The following VWCE variants were observed in gnomAD, a reference collection of about 807,000 sequenced individuals.
VWCE encodes von Willebrand factor C and EGF domain-containing protein.
Under a neutral mutation model 102.9 loss-of-function variants are expected in VWCE, and 68 were observed. The ratio of observed to expected loss-of-function variants is 0.66; its 90% CI spans 0.54 to 0.81. The LOEUF (loss-of-function observed/expected upper bound fraction) is 0.81. Ranked by LOEUF, VWCE falls within the 30% of genes least tolerant of loss-of-function variation. VWCE has a pLI of 0.00. For synonymous variants in VWCE, 497 were observed against 515.4 expected (o/e 0.96, Z 0.48); for missense variants, 1,137 against 1,263.6 (o/e 0.90, Z 1.52).
At chr11:61,269,844 AT>A (rs1854622195) in intron 14 of VWCE, among the ~76,000 whole-genome samples, 1 of 152,116 alleles carries the variant, frequency 6.6e-6, no homozygotes, top group Non-Finnish European at 1.5e-5. Flanking sequence ...GAAATCAGTC[AT>A]AAAGGAGAAG....
intron 13 of VWCE, 26 bp from the exon 14 acceptor site, chr11:61,271,786 A>C (rs1474522573): frequency 1.9e-5 from 31 of 1,603,666 alleles, no homozygotes; most frequent in Non-Finnish European, 2.6e-5. Flanking sequence ...GGCAGAGAAA[A>C]GACGGCACAA....
chr11:61,262,431 C>T (rs535318405), intron 19 of VWCE, among the ~76,000 whole-genome samples: 4 of 152,294 alleles, frequency 2.6e-5, no homozygotes, highest in South Asian at 4.1e-4. Context: ...ATAGCAGCCA[C>T]GCTGGAACAC....
At chr11:61,274,642 AG>A (rs1204955369) in intron 11 of VWCE, 58 bp from the exon 12 acceptor site, 169 of 1,543,222 alleles carry the variant, frequency 1.1e-4, no homozygotes, top group Non-Finnish European at 1.4e-4. Context: ...AGCTAAAGAA[AG>A]GGGGGAACAA....
In VWCE at chr11:61,265,039, C is replaced by A; in HGVS notation, c.2057-1G>T. 1 of 1,614,088 alleles carries A rather than the reference C, an allele frequency of 6.2e-7. No individual in the cohort carries two copies. Among genetic ancestry groups the A allele is most frequent in the South Asian group, 1.1e-5 (1 of 91,080 alleles). On this transcript the variant is annotated splice_acceptor_variant, in intron 17 of 19. Transcript: ENST00000335613. LOFTEE classifies it high-confidence loss of function. ...ACCTTCCTTCCCTCGTAGTTGCAGTCTGTGGAGGAAGGGGAGACAGGAGCC... is the reference window on the plus strand; with the variant it reads ...ACCTTCCTTCCCTCGTAGTTGCAGTATGTGGAGGAAGGGGAGACAGGAGCC...
intron 19 of VWCE, among the ~76,000 whole-genome samples, chr11:61,262,466 T>C (rs1854389150): frequency 6.6e-6 from 1 of 152,208 alleles, no homozygotes; most frequent in Non-Finnish European, 1.5e-5. Context: ...AATGAGGTAA[T>C]ACATTTAAAT....
rs575645780 is a variant in VWCE, at chr11:61,267,939, G to T, written c.1883-395C>A. Among the ~76,000 whole-genome samples the T allele has an allele frequency of 1.1e-4, 16 of 152,046 alleles. No homozygotes were observed. The East Asian group carries it at 2.9e-3, about 28-fold the overall frequency. On this transcript the variant is annotated intron_variant, in intron 15 of 19. Transcript: ENST00000335613. Reference sequence around the variant, plus strand: ...TCAAACCACCAACCCCGCCTGTCCAGAACATTCCCCAACACTACTCCCCTC... The same window carrying T: ...TCAAACCACCAACCCCGCCTGTCCATAACATTCCCCAACACTACTCCCCTC...
intron 1 of VWCE, 99 bp from the exon 2 acceptor site, chr11:61,291,675 A>C: frequency 1.9e-6 from 2 of 1,028,770 alleles, no homozygotes; most frequent in African/African-American, 1.7e-5. Flanking sequence ...TCAACAAACA[A>C]TTCTCAAGAA....
Position 61,274,524 on chromosome 11 carries a change from T to C in VWCE, c.1556A>G (p.Asp519Gly), listed in dbSNP as rs777398261. The change falls in exon 12 of 20, where the codon GAC becomes GGC. Residue 519 changes from aspartate to glycine, a missense_variant. By Grantham distance (94) the Asp-to-Gly change is moderately conservative (BLOSUM62 -1). Around this residue, in one of 5 missense-constraint regions of VWCE, gnomAD observed 212 missense variants for 235.1 expected, o/e 0.90. Transcript: ENST00000335613. ...ADGAVFSGGGDECTTCVCQNG... is the reference protein window; with the variant it reads ...ADGAVFSGGGGECTTCVCQNG... ...CTGGCAAACACAGGTGGTACACTCGTCACCACCCCCACTGAACACAGCCCC... is the reference window on the plus strand; with the variant it reads ...CTGGCAAACACAGGTGGTACACTCGCCACCACCCCCACTGAACACAGCCCC... 17 of 1,613,404 alleles carry C rather than the reference T, an allele frequency of 1.1e-5. No homozygotes were observed. Among genetic ancestry groups the C allele is most frequent in the Non-Finnish European group, 1.4e-5 (16 of 1,179,808 alleles).
chr11:61,258,502 A>T lies in VWCE; in HGVS notation c.*173T>A. 1.7e-6 allele frequency: 1 copy of T among 604,326 alleles called. No individual in the cohort carries two copies. Among genetic ancestry groups the T allele is most frequent in the Non-Finnish European group, 2.4e-6 (1 of 414,210 alleles). 37.4% of individuals were successfully genotyped at this position (604,326 alleles called of 1,614,324 possible). On this transcript the variant is annotated 3_prime_UTR_variant, in exon 20 of 20. Coordinates refer to ENST00000335613, the MANE Select transcript of VWCE (RefSeq NM_152718.2). ...TCCATTCTTACAGCACATTCCAAAC[A>T]CTTCTTGGGAACAAGGTTACATCCA... is the stretch of plus-strand genomic sequence containing the variant.
intron 16 of VWCE, among the ~76,000 whole-genome samples, chr11:61,266,212 A>G (rs1854509938): frequency 6.6e-6 from 1 of 152,122 alleles, no homozygotes; most frequent in South Asian, 2.1e-4. Flanking sequence ...TTTTTTATGT[A>G]AAATTTTTTA....
chr11:61,280,352 T>A (rs1855079753), intron 9 of VWCE, among the ~76,000 whole-genome samples: 1 of 152,116 alleles, frequency 6.6e-6, no homozygotes, highest in African/African-American at 2.4e-5. Context: ...CCTTGAGGCA[T>A]ATTACAGCAT....
intron 19 of VWCE, 56 bp from the exon 20 acceptor site, chr11:61,259,368 G>A: frequency 6.6e-7 from 1 of 1,520,388 alleles, no homozygotes. Context: ...TGGCCAAGGT[G>A]GCTCTGGGAC....
At chr11:61,276,168 G>C (rs1005055895) in intron 11 of VWCE, among the ~76,000 whole-genome samples, 7 of 151,992 alleles carry the variant, frequency 4.6e-5, no homozygotes, top group African/African-American at 1.7e-4. Context: ...AGCACTTTGG[G>C]AGGCCAAGGC....
chr11:61,273,603 C>T, intron 12 of VWCE: 1 of 436,844 alleles, frequency 2.3e-6, no homozygotes, highest in Non-Finnish European at 4.1e-6. Flanking sequence ...CATCCAGGCT[C>T]CCTACTGCCT....
At chr11:61,259,944 A>G (rs1057358017) in intron 19 of VWCE, among the ~76,000 whole-genome samples, 1 of 152,210 alleles carries the variant, frequency 6.6e-6, no homozygotes, top group Non-Finnish European at 1.5e-5. Context: ...GTCACGTCCC[A>G]ATAAACCTGT....
At position 61,281,015 on chromosome 11, in the gene VWCE, C is replaced by T. The variant is rs750475576; in HGVS notation, c.1008G>A (p.Leu336=). ...PTSSPSAPVW[L]LSTLLATPVP... ...CTGGGGTGGCCAGCAGGGTGGACAG[C>T]AGCCACACAGGGGCAGAAGGGGAGG... The change falls in exon 8 of 20, where the codon CTG becomes CTA. Residue 336 remains leucine (L), a synonymous_variant. Coordinates refer to ENST00000335613, the MANE Select transcript of VWCE (RefSeq NM_152718.2). The T allele has an allele frequency of 5.8e-6, 9 of 1,564,650 alleles. No individual in the cohort carries two copies. The highest frequency in any genetic ancestry group is 7.8e-6 in the Non-Finnish European group (9 of 1,154,940).
chr11:61,265,040 T>A lies in VWCE; in HGVS notation c.2057-2A>T. 1 of 1,613,970 alleles carries A rather than the reference T, an allele frequency of 6.2e-7. No individual in the cohort carries two copies. Among genetic ancestry groups the A allele is most frequent in the Non-Finnish European group, 8.5e-7 (1 of 1,179,982 alleles). On this transcript the variant is annotated splice_acceptor_variant, in intron 17 of 19. Transcript: ENST00000335613. LOFTEE classifies it high-confidence loss of function. Reference sequence around the variant, plus strand: ...CCTTCCTTCCCTCGTAGTTGCAGTCTGTGGAGGAAGGGGAGACAGGAGCCC... The same window carrying A: ...CCTTCCTTCCCTCGTAGTTGCAGTCAGTGGAGGAAGGGGAGACAGGAGCCC...
chr11:61,293,241 CA>C (rs764741197), intron 1 of VWCE, among the ~76,000 whole-genome samples: 262 of 18,022 alleles, frequency 0.015, no homozygotes, highest in Middle Eastern at 0.056. Flanking sequence ...AACTCCATCT[CA>C]AAAAAAAAAA....
chr11:61,273,054 A>T, intron 13 of VWCE, 145 bp downstream of exon 13: 1 of 757,392 alleles, frequency 1.3e-6, no homozygotes, highest in Non-Finnish European at 2.2e-6. Flanking sequence ...CTACACAAAA[A>T]CTCACACTCA....
Sources: gnomAD v4.1 joint callset for allele counts (sites outside exome capture counted in the v4.1 genomes callset) on GRCh38, gnomAD v4.1.1 for gene constraint, gnomAD v4.1.1 regional missense constraint, MANE v1.5 for transcripts, NCBI Gene and HGNC (gene_info 2026-07-23, HGNC 2026-07-21) for gene names.